Variants in MEIS1 observed in about 807,000 individuals in gnomAD.
The protein encoded by MEIS1 is homeobox protein Meis1.
A neutral mutation model predicts 50.8 loss-of-function variants in MEIS1; 5 were observed. That is an observed-to-expected ratio of 0.10 (90% CI 0.05 to 0.21). MEIS1 has a LOEUF of 0.21. Among genes scored for constraint, MEIS1 ranks in the 10% least tolerant of loss-of-function variants. The pLI is 1.00. For synonymous variants in MEIS1, 176 were observed against 179.3 expected (o/e 0.98, Z 0.15); for missense variants, 318 against 517.3 (o/e 0.61, Z 3.74).
At chr2:66,548,618 A>C (rs1263984211) in intron 9 of MEIS1, among the ~76,000 whole-genome samples, 1 of 152,180 alleles carries the variant, frequency 6.6e-6, no homozygotes, top group Non-Finnish European at 1.5e-5. Context: ...TTATGTACCA[A>C]GTACCAGCCA....
intron 7 of MEIS1, among the ~76,000 whole-genome samples, chr2:66,476,648 T>TG (rs1415022144): frequency 5.9e-5 from 9 of 152,178 alleles, no homozygotes; most frequent in African/African-American, 2.2e-4. Flanking sequence ...AGCACCTGCC[T>TG]GGCATCGGAT....
chr2:66,468,267 G>T (rs746433945), intron 7 of MEIS1, among the ~76,000 whole-genome samples: 5 of 152,132 alleles, frequency 3.3e-5, no homozygotes, highest in Non-Finnish European at 5.9e-5. Context: ...GTGTGTTTTG[G>T]AGTGGGAGAA....
chr2:66,467,458 G>A (rs866191617), intron 7 of MEIS1, among the ~76,000 whole-genome samples: 4 of 152,122 alleles, frequency 2.6e-5, no homozygotes, highest in Non-Finnish European at 4.4e-5. Flanking sequence ...TTAGCCAGAC[G>A]TGGTGGTGGG....
At chr2:66,462,833 A>C (rs1302796124) in intron 6 of MEIS1, among the ~76,000 whole-genome samples, 1 of 152,230 alleles carries the variant, frequency 6.6e-6, no homozygotes, top group East Asian at 1.9e-4. Context: ...TCAAACATAC[A>C]AATGGCATAT....
At chr2:66,567,239 C>T (rs1675370373) in intron 9 of MEIS1, among the ~76,000 whole-genome samples, 1 of 152,030 alleles carries the variant, frequency 6.6e-6, no homozygotes, top group South Asian at 2.1e-4. Flanking sequence ...AAACATAAAT[C>T]AACTCAGAAA....
intron 7 of MEIS1, among the ~76,000 whole-genome samples, chr2:66,509,644 C>T (rs532520049): frequency 1.5e-4 from 23 of 152,258 alleles, no homozygotes; most frequent in Middle Eastern, 3.4e-3. Flanking sequence ...AATTCTGTTC[C>T]TAATGCTTCT....
At chr2:66,519,830 C>T (rs1330716017) in intron 8 of MEIS1, among the ~76,000 whole-genome samples, 1 of 152,126 alleles carries the variant, frequency 6.6e-6, no homozygotes, top group Non-Finnish European at 1.5e-5. Context: ...GTCTTGGTAA[C>T]TGCTTGAATT....
chr2:66,516,755 T>C (rs1227023577), intron 8 of MEIS1, among the ~76,000 whole-genome samples: 2 of 152,162 alleles, frequency 1.3e-5, no homozygotes, highest in Non-Finnish European at 2.9e-5. Flanking sequence ...GGTCCGCCAC[T>C]CTAAGGACGG....
intron 9 of MEIS1, among the ~76,000 whole-genome samples, chr2:66,562,342 T>C (rs1345935159): frequency 2.0e-5 from 3 of 151,592 alleles, no homozygotes; most frequent in African/African-American, 7.3e-5. Context: ...CAGAAAACTA[T>C]TCAGGTATCC....
chr2:66,496,239 C>T (rs1217985275), intron 7 of MEIS1: 3 of 152,206 alleles, frequency 2.0e-5, no homozygotes, highest in African/African-American at 7.2e-5. Flanking sequence ...AACCTCTCCC[C>T]TCCCCTCGGG....
At chr2:66,464,304 T>C (rs1382462919) in intron 7 of MEIS1, 84 bp downstream of exon 7, 5 of 1,106,150 alleles carry the variant, frequency 4.5e-6, no homozygotes, top group South Asian at 4.0e-5. Flanking sequence ...TTACTAAGTA[T>C]ACAGTTTTTC....
intron 2 of MEIS1, 91 bp downstream of exon 2, chr2:66,438,054 G>T: frequency 8.7e-7 from 1 of 1,145,744 alleles, no homozygotes; most frequent in South Asian, 1.6e-5. Context: ...AGAGTTCTCT[G>T]GATTGGAGGT....
At chr2:66,514,628 C>T (rs927679991) in intron 8 of MEIS1, among the ~76,000 whole-genome samples, 2 of 152,190 alleles carry the variant, frequency 1.3e-5, no homozygotes, top group Non-Finnish European at 2.9e-5. Flanking sequence ...ACCTCCATTA[C>T]CCACTCCAAT....
chr2:66,562,072 C>CTTTTTTTTTTTTTTTTTTG (rs749406692), intron 9 of MEIS1: 1 of 62,060 alleles, frequency 1.6e-5, no homozygotes, highest in Non-Finnish European at 3.1e-5. Context: ...TTTTTTTTTA[C>CTTTTTTTTTTTTTTTTTTG]TTTTATCAGT....
chr2:66,567,430 T>G, intron 9 of MEIS1, 23 bp from the exon 10 acceptor site: 1 of 1,611,754 alleles, frequency 6.2e-7, no homozygotes, highest in South Asian at 1.1e-5. Context: ...GAATAACGAT[T>G]TGTTTCACTT....
chr2:66,507,091 C>G (rs552705074), intron 7 of MEIS1, among the ~76,000 whole-genome samples: 1 of 152,280 alleles, frequency 6.6e-6, no homozygotes, highest in African/African-American at 2.4e-5. Flanking sequence ...ACAATAAGAT[C>G]ATGCAACAAT....
At chr2:66,456,262 G>A (rs138840019) in intron 6 of MEIS1, among the ~76,000 whole-genome samples, 1 of 61,744 alleles carries the variant, frequency 1.6e-5, no homozygotes, top group Admixed American at 1.3e-4. Context: ...ACACACACAC[G>A]TTTATTTGCA....
intron 9 of MEIS1, among the ~76,000 whole-genome samples, chr2:66,556,658 G>A (rs1394607040): frequency 6.6e-6 from 1 of 152,114 alleles, no homozygotes; most frequent in Non-Finnish European, 1.5e-5. Flanking sequence ...TCTGGTTGAA[G>A]GGTTTTGTTG....
At chr2:66,443,400 C>G (rs1326667274) in intron 6 of MEIS1, 2 of 233,120 alleles carry the variant, frequency 8.6e-6, no homozygotes, top group Non-Finnish European at 1.6e-5. Flanking sequence ...CATTTTTCCC[C>G]CTTCTATCTT....
Sources: gnomAD v4.1 joint callset for allele counts (sites outside exome capture counted in the v4.1 genomes callset) on GRCh38, gnomAD v4.1.1 for gene constraint, MANE v1.5 for transcripts, NCBI Gene and HGNC (gene_info 2026-07-23, HGNC 2026-07-21) for gene names.